ATPAF1: variants seen among roughly 807,000 people sequenced by gnomAD.
ATPAF1 encodes ATP synthase mitochondrial F1 complex assembly factor 1.
In ATPAF1, 26 loss-of-function variants were observed where a neutral mutation model predicts 43.9. The observed-to-expected ratio is 0.59, with a 90% CI of 0.43 to 0.82. The LOEUF (loss-of-function observed/expected upper bound fraction) is 0.82, where lower values mean the gene tolerates loss of function less well. ATPAF1 is among the 40% of genes least tolerant of loss of function. ATPAF1 has a pLI of 0.00. For missense variants in ATPAF1, 366 were observed against 435.0 expected, an observed-to-expected ratio of 0.84 and a Z score of 1.41; for synonymous variants, 157 against 168.0, an observed-to-expected ratio of 0.93 and a Z score of 0.50.
chr1:46,650,032 C>T (rs1676134498), intron 6 of ATPAF1, among the ~76,000 whole-genome samples: 1 of 152,006 alleles, frequency 6.6e-6, no homozygotes, highest in African/African-American at 2.4e-5. Context: ...GCAATGTTTC[C>T]AAAAATGTTT....
At chr1:46,650,043 T>C (rs1246973943) in intron 6 of ATPAF1, among the ~76,000 whole-genome samples, 2 of 152,328 alleles carry the variant, frequency 1.3e-5, no homozygotes, top group African/African-American at 2.4e-5. Flanking sequence ...AAAAATGTTT[T>C]GAAAACCCGA....
chr1:46,637,756 T>G (rs936013505), intron 8 of ATPAF1, among the ~76,000 whole-genome samples: 1 of 152,216 alleles, frequency 6.6e-6, no homozygotes, highest in African/African-American at 2.4e-5. Flanking sequence ...CCCAAAAAGC[T>G]GGCTACTTCA....
intron 1 of ATPAF1, among the ~76,000 whole-genome samples, chr1:46,666,658 C>T (rs1676496135): frequency 6.6e-6 from 1 of 151,526 alleles, no homozygotes; most frequent in Non-Finnish European, 1.5e-5. Flanking sequence ...CTCCCCTTAC[C>T]TGGAACATCC....
At chr1:46,662,977 C>T (rs1314130563) in intron 2 of ATPAF1, among the ~76,000 whole-genome samples, 2 of 152,096 alleles carry the variant, frequency 1.3e-5, no homozygotes, top group African/African-American at 4.8e-5. Context: ...GTTCCCCTTC[C>T]TGTGTCCATG....
chr1:46,643,195 A>G (rs1675980302), exon 8 of ATPAF1: 3 of 1,610,116 alleles, frequency 1.9e-6, no homozygotes, highest in Non-Finnish European at 2.5e-6. Flanking sequence ...AATTCTTACC[A>G]GAAATGTGGA....
At chr1:46,645,251 T>G (rs949379535) in exon 7 of ATPAF1, 1 of 1,611,798 alleles carries the variant, frequency 6.2e-7, no homozygotes, top group East Asian at 2.2e-5. Flanking sequence ...GCAGAGCACA[T>G]AGAAACTGTG....
intron 2 of ATPAF1, chr1:46,664,950 C>T: frequency 3.4e-6 from 1 of 298,148 alleles, no homozygotes; most frequent in Non-Finnish European, 6.3e-6. Flanking sequence ...GGTCAGGTTC[C>T]ATCTCCCATG....
At position 46,664,039 on chromosome 1, in the gene ATPAF1, AAGTT is replaced by A. The variant is rs545889381; in HGVS notation, c.375+1213_375+1216del. Reference sequence around the variant, plus strand: ...AATAAGAATGGACTGCATGTTGTAAAAGTTAGCATTATTTTATACATTTTTTTTT... The same window carrying A: ...AATAAGAATGGACTGCATGTTGTAAAAGCATTATTTTATACATTTTTTTTT... On this transcript the variant is annotated intron_variant, in intron 2 of 8. Coordinates refer to ENST00000574428, the Ensembl canonical transcript of ATPAF1. The A allele has an allele frequency of 9.7e-4, 443 of 455,186 alleles. 3 individuals are homozygous for A. Among genetic ancestry groups the A allele is most frequent in the African/African-American group, 8.7e-3 (425 of 48,704 alleles). 28.2% of individuals were successfully genotyped at this position (455,186 alleles called of 1,614,324 possible). A position where few individuals can be genotyped will look rare whatever the true frequency, so the allele number is the denominator to read the frequency against.
At chr1:46,663,164 T>G (rs1346755061) in intron 2 of ATPAF1, among the ~76,000 whole-genome samples, 2 of 152,244 alleles carry the variant, frequency 1.3e-5, no homozygotes, top group Admixed American at 6.5e-5. Flanking sequence ...TGCCACATTT[T>G]CTTGATTCAG....
rs538982460 is a variant in ATPAF1, at chr1:46,659,584, A to G, written c.376-847T>C. ...TAGACACCCTTAAAAAAAGGCCACC[A>G]ACAACTGAAAGTGATTATTTTGTCT... is the stretch of plus-strand genomic sequence containing the variant. On this transcript the variant is annotated intron_variant, in intron 2 of 8. Transcript: ENST00000574428. Among the ~76,000 whole-genome samples, 5 of 152,110 alleles carry G rather than the reference A, an allele frequency of 3.3e-5. No individual in the cohort carries two copies. The South Asian group carries it at 8.3e-4, about 25-fold the overall frequency.
chr1:46,665,763 T>TA, intron 1 of ATPAF1: 1 of 1,511,802 alleles, frequency 6.6e-7, no homozygotes, highest in Non-Finnish European at 8.8e-7. Context: ...TTCTTGAAAA[T>TA]ATGTCCCCCC....
chr1:46,668,431 G>A (rs1043343105), upstream of ATPAF1: 10 of 1,160,322 alleles, frequency 8.6e-6, no homozygotes, highest in African/African-American at 1.6e-4. This position sits in a 1 kb window ranked among gnomAD's most constrained non-coding sequence, Gnocchi z 4.4. Flanking sequence ...CGGCACCGAG[G>A]TTCCGCGCGC....
exon 9 of ATPAF1, chr1:46,635,700 T>C: frequency 7.1e-7 from 1 of 1,411,464 alleles, no homozygotes; most frequent in African/African-American, 1.4e-5. Flanking sequence ...GCTGAGCTCT[T>C]GAGTTCCTGA....
chr1:46,635,524 CTT>C lies in ATPAF1; in HGVS notation c.*250_*251del, dbSNP rs568022784. On this transcript the variant is annotated 3_prime_UTR_variant, in exon 9 of 9. Coordinates refer to ENST00000574428, the Ensembl canonical transcript of ATPAF1. ...CTGTCTTGTAGGTCCTTGGCTGTCT[CTT>C]GTTATAACCTCGAACACTTAAAAAA... 412 of 473,418 alleles carry C rather than the reference CTT, an allele frequency of 8.7e-4. 2 individuals carry two copies. Among genetic ancestry groups the C allele is most frequent in the African/African-American group, 7.5e-3 (391 of 52,178 alleles). The allele number at this position is 473,418 out of a possible 1,614,324, so 29.3% of individuals were successfully genotyped here.
At chr1:46,642,408 A>G (rs780684891) in intron 8 of ATPAF1, among the ~76,000 whole-genome samples, 1 of 152,196 alleles carries the variant, frequency 6.6e-6, no homozygotes, top group Non-Finnish European at 1.5e-5. Context: ...AGATAAAAGG[A>G]TATGTGACTG....
intron 8 of ATPAF1, 107 bp from the exon 9 acceptor site, chr1:46,636,077 G>C (rs748869046): frequency 3.3e-5 from 43 of 1,291,164 alleles, no homozygotes; most frequent in Non-Finnish European, 4.4e-5. Context: ...ACCACTTCCA[G>C]AAAGTTTCCT....
chr1:46,650,768 G>A (rs879454331), intron 6 of ATPAF1, among the ~76,000 whole-genome samples: 22 of 150,916 alleles, frequency 1.5e-4, no homozygotes, highest in Admixed American at 5.9e-4. Context: ...AATAAGCCAC[G>A]CACAGAGAGA....
At chr1:46,658,259 T>TA in intron 3 of ATPAF1, 70 bp from the exon 4 acceptor site, 1 of 1,203,990 alleles carries the variant, frequency 8.3e-7, no homozygotes, top group South Asian at 1.3e-5. Flanking sequence ...ACTCTATCTC[T>TA]AAGCCTGTGG....
intron 2 of ATPAF1, chr1:46,663,747 CA>C: frequency 9.0e-6 from 7 of 776,664 alleles, no homozygotes; most frequent in Admixed American, 5.2e-5. Context: ...ATACCCAAGG[CA>C]AAAAAAGTAT....
Sources: gnomAD v4.1 joint callset for allele counts (sites outside exome capture counted in the v4.1 genomes callset) on GRCh38, gnomAD v4.1.1 for gene constraint, Gnocchi (gnomAD v3.1) non-coding constraint, MANE v1.5 for transcripts, NCBI Gene and HGNC (gene_info 2026-07-23, HGNC 2026-07-21) for gene names.